NINJ2: variants seen among roughly 807,000 people sequenced by gnomAD.
NINJ2 encodes the protein ninjurin-2.
NINJ2 carries 12 observed loss-of-function variants against 11.7 expected under a neutral mutation model. The ratio of observed to expected loss-of-function variants is 1.02; its 90% CI spans 0.66 to 1.66. The LOEUF is 1.66. Ranked by LOEUF, NINJ2 falls within the 40% of genes most tolerant of loss-of-function variation. The pLI, the probability that NINJ2 is intolerant of heterozygous loss-of-function variation, is 0.00. For synonymous variants in NINJ2, 93 were observed against 76.8 expected (o/e 1.21, Z -1.10); for missense variants, 187 against 181.8 (o/e 1.03, Z -0.16).
rs543524317 is a variant in NINJ2, at chr12:613,822, G to A, written c.34-47644C>T. On this transcript the variant is annotated intron_variant, in intron 1 of 3. Coordinates refer to ENST00000305108, the MANE Select transcript of NINJ2 (RefSeq NM_016533.6). ...CAGGAGGCTGAGGCAGGAGAATGGC[G>A]TGAACCCAGGAGATGGAGCTTGCAG... Among the ~76,000 whole-genome samples, 246 of 152,144 alleles carry A rather than the reference G, an allele frequency of 1.6e-3. 1 individual carries two copies. The highest frequency in any genetic ancestry group is 3.4e-3 in the Middle Eastern group (1 of 292).
intron 1 of NINJ2, among the ~76,000 whole-genome samples, chr12:601,736 G>T (rs984361234): frequency 6.6e-6 from 1 of 151,528 alleles, no homozygotes. Context: ...TGTGGTGGCG[G>T]GTGCCTGTAA....
intron 1 of NINJ2, among the ~76,000 whole-genome samples, chr12:626,269 G>T (rs371774679): frequency 1.2e-4 from 18 of 152,336 alleles, no homozygotes; most frequent in African/African-American, 4.3e-4. Context: ...TTCATAAGAA[G>T]CCCTCCTAAT....
In NINJ2 at chr12:628,135, C is replaced by T. The variant is rs1948230564; in HGVS notation, c.33+35193G>A. Among the ~76,000 whole-genome samples the T allele has an allele frequency of 6.6e-6, 1 of 152,190 alleles. No homozygotes were observed. Among genetic ancestry groups the T allele is most frequent in the African/African-American group, 2.4e-5 (1 of 41,464 alleles). ...CTGAGTTTGCCAGAGCCTGCAGGAT[C>T]CCTGCACCGCTTTACTGGATCCCCA... On this transcript the variant is annotated intron_variant, in intron 1 of 3. Coordinates refer to ENST00000305108, the MANE Select transcript of NINJ2 (RefSeq NM_016533.6). The surrounding 1 kb of genome is among the most constrained non-coding windows in gnomAD (Gnocchi z 4.4).
At chr12:622,196 C>A (rs775987253) in intron 1 of NINJ2, among the ~76,000 whole-genome samples, 1 of 148,476 alleles carries the variant, frequency 6.7e-6, no homozygotes, top group Non-Finnish European at 1.5e-5. Flanking sequence ...CCGAGGCGGG[C>A]GGATCATGAG....
At chr12:648,104 C>T (rs1042627795) in intron 1 of NINJ2, among the ~76,000 whole-genome samples, 1 of 152,150 alleles carries the variant, frequency 6.6e-6, no homozygotes, top group African/African-American at 2.4e-5. Flanking sequence ...TGGAATTTCA[C>T]TCTTGTCACC....
chr12:661,361 G>A lies in NINJ2; in HGVS notation c.33+1967C>T, dbSNP rs749527136. Among the ~76,000 whole-genome samples the A allele has an allele frequency of 3.3e-5, 5 of 152,312 alleles. 1 individual carries two copies. The highest frequency in any genetic ancestry group is 1.9e-4 in the East Asian group (1 of 5,184). ...CCTCCAAAATGCTAGGATTACAGGC[G>A]TAGGCCACCGTGCCCAGCCAAAGGT... On this transcript the variant is annotated intron_variant, in intron 1 of 3. Coordinates refer to ENST00000305108, the MANE Select transcript of NINJ2 (RefSeq NM_016533.6).
intron 1 of NINJ2, chr12:643,780 A>G: frequency 1.5e-6 from 1 of 676,590 alleles, no homozygotes; most frequent in Non-Finnish European, 1.8e-6. Context: ...CTACTCTTCC[A>G]GTAGAAACTG....
At chr12:660,770 G>A (rs1937947307) in intron 1 of NINJ2, among the ~76,000 whole-genome samples, 2 of 152,120 alleles carry the variant, frequency 1.3e-5, no homozygotes, top group South Asian at 4.1e-4. Flanking sequence ...AGACTAGCCT[G>A]GCCAATATGA....
chr12:633,216 G>A lies in NINJ2; in HGVS notation c.33+30112C>T, dbSNP rs1359426864. Among the ~76,000 whole-genome samples the A allele has an allele frequency of 6.6e-6, 1 of 151,920 alleles. No homozygotes were observed. On this transcript the variant is annotated intron_variant, in intron 1 of 3. Transcript: ENST00000305108. The surrounding 1 kb of genome is among the most constrained non-coding windows in gnomAD (Gnocchi z 4.3). ...CCACTCCTCCATTAAAAAAAAACAA[G>A]GCCGGGCGCGGTGGCTCACACCTGT... is the stretch of plus-strand genomic sequence containing the variant.
intron 1 of NINJ2, among the ~76,000 whole-genome samples, chr12:651,775 C>T (rs144967799): frequency 6.6e-4 from 101 of 152,276 alleles, no homozygotes; most frequent in Non-Finnish European, 8.1e-4. Flanking sequence ...CAAAAAGAAA[C>T]GCCAGAGGTC....
intron 1 of NINJ2, among the ~76,000 whole-genome samples, chr12:627,125 T>C (rs1418653894): frequency 6.6e-6 from 1 of 152,172 alleles, no homozygotes; most frequent in Non-Finnish European, 1.5e-5. Context: ...AAGTGCTAAA[T>C]ACAGTAATGG....
rs981694018 is a variant in NINJ2, at chr12:591,797, T to G, written c.34-25619A>C. ...GGCTGCAAGGGCCAAGGGTGTTTCT[T>G]TAGAGATATTTCTCAGGTTCTGGGC... On this transcript the variant is annotated intron_variant, in intron 1 of 3. Transcript: ENST00000305108. The surrounding 1 kb of genome is among the most constrained non-coding windows in gnomAD (Gnocchi z 5.0). 1.2e-4 allele frequency among the ~76,000 whole-genome samples: 19 copies of G among 152,174 alleles called. No individual in the cohort carries two copies. Among genetic ancestry groups the G allele is most frequent in the Admixed American group, 4.6e-4 (7 of 15,276 alleles).
At chr12:565,828 A>AGGTCAGC in intron 2 of NINJ2, 122 bp downstream of exon 2, 1 of 850,484 alleles carries the variant, frequency 1.2e-6, no homozygotes, top group South Asian at 1.4e-5. Context: ...GGCTCACTGC[A>AGGTCAGC]GGTCAGCGTG....
chr12:609,364 C>A (rs1307728323), intron 1 of NINJ2, among the ~76,000 whole-genome samples: 1 of 151,882 alleles, frequency 6.6e-6, no homozygotes, highest in Non-Finnish European at 1.5e-5. Flanking sequence ...GAAGGGGCCG[C>A]AAAGATGAGT....
In NINJ2 at chr12:585,343, C is replaced by T. The variant is rs1246383254; in HGVS notation, c.34-19165G>A. Among the ~76,000 whole-genome samples the T allele has an allele frequency of 9.9e-5, 15 of 152,174 alleles. No homozygotes were observed. The highest frequency in any genetic ancestry group is 9.2e-4 in the Admixed American group (14 of 15,284). Reference sequence around the variant, plus strand: ...GCCAAGAGGGGTCCATACCAACTTCCGGAATAAACGAGGCCAAAGGGAAAG... The same window carrying T: ...GCCAAGAGGGGTCCATACCAACTTCTGGAATAAACGAGGCCAAAGGGAAAG... On this transcript the variant is annotated intron_variant, in intron 1 of 3. Coordinates refer to ENST00000305108, the MANE Select transcript of NINJ2 (RefSeq NM_016533.6). This position sits in a 1 kb window ranked among gnomAD's most constrained non-coding sequence, Gnocchi z 4.1.
Position 621,361 on chromosome 12 carries a change from G to T in NINJ2, c.33+41967C>A, listed in dbSNP as rs1948150033. On this transcript the variant is annotated intron_variant, in intron 1 of 3. Transcript: ENST00000305108. ...CCCAGCTACTTGGGAGGCTGAAATG[G>T]GAGAATTGCTTGATCCTGAGAGTTT... Among the ~76,000 whole-genome samples the T allele has an allele frequency of 2.0e-5, 3 of 152,086 alleles. No homozygotes were observed. The South Asian group carries it at 6.3e-4, about 32-fold the overall frequency.
intron 1 of NINJ2, among the ~76,000 whole-genome samples, chr12:571,902 C>T (rs1947381628): frequency 6.6e-6 from 1 of 152,202 alleles, no homozygotes; most frequent in Non-Finnish European, 1.5e-5. Context: ...AACTGCCCTA[C>T]CAAAAAGCCA....
intron 1 of NINJ2, among the ~76,000 whole-genome samples, chr12:578,492 G>A (rs546394933): frequency 1.3e-5 from 2 of 151,990 alleles, no homozygotes; most frequent in Admixed American, 1.3e-4. Context: ...TTTTTAAAAC[G>A]TTTTTTGTAG....
intron 1 of NINJ2, among the ~76,000 whole-genome samples, chr12:615,656 C>T (rs1327727171): frequency 6.6e-6 from 1 of 152,234 alleles, no homozygotes; most frequent in Non-Finnish European, 1.5e-5. Context: ...GGGAAGCCTT[C>T]CTCAGCTCCT....
Sources: gnomAD v4.1 joint callset for allele counts (sites outside exome capture counted in the v4.1 genomes callset) on GRCh38, gnomAD v4.1.1 for gene constraint, Gnocchi (gnomAD v3.1) non-coding constraint, MANE v1.5 for transcripts, NCBI Gene and HGNC (gene_info 2026-07-23, HGNC 2026-07-21) for gene names.